Variants in TMTC2 observed in about 807,000 individuals in gnomAD.
TMTC2 encodes transmembrane O-mannosyltransferase targeting cadherins 2.
TMTC2 carries 43 observed loss-of-function variants against 82.4 expected under a neutral mutation model. The ratio of observed to expected loss-of-function variants is 0.52; its 90% CI spans 0.41 to 0.67. TMTC2 has a LOEUF of 0.67. Ranked by LOEUF, TMTC2 falls within the 30% of genes least tolerant of loss-of-function variation. TMTC2 has a pLI of 0.00. For missense variants in TMTC2, 919 were observed against 1,012.4 expected (o/e 0.91, Z 1.25); for synonymous variants, 408 against 381.9 (o/e 1.07, Z -0.80).
At chr12:82,703,739 G>A (rs1197276091) in intron 1 of TMTC2, among the ~76,000 whole-genome samples, 4 of 151,848 alleles carry the variant, frequency 2.6e-5, no homozygotes, top group African/African-American at 7.3e-5. Context: ...CGCCCTCCTC[G>A]GTCCCCCAAA....
intron 9 of TMTC2, among the ~76,000 whole-genome samples, chr12:83,044,999 C>T (rs531457504): frequency 8.5e-5 from 13 of 152,250 alleles, no homozygotes; most frequent in Non-Finnish European, 1.5e-4. Context: ...CAGGAATTAA[C>T]GAAAGATTGG....
At chr12:83,061,616 A>G (rs1882743662) in intron 10 of TMTC2, 152 bp from the exon 11 acceptor site, 12 of 551,846 alleles carry the variant, frequency 2.2e-5, no homozygotes, top group East Asian at 3.2e-5. Flanking sequence ...TGCAATGCAA[A>G]CACTCAATTT....
At chr12:82,939,161 T>C (rs984194681) in intron 4 of TMTC2, among the ~76,000 whole-genome samples, 5 of 152,176 alleles carry the variant, frequency 3.3e-5, no homozygotes, top group African/African-American at 1.2e-4. Context: ...CTTATGTTAA[T>C]TGGCTCTTTG....
chr12:82,947,959 G>A (rs964800796), intron 4 of TMTC2, among the ~76,000 whole-genome samples: 3 of 152,062 alleles, frequency 2.0e-5, no homozygotes, highest in African/African-American at 7.2e-5. Context: ...GACTGAAGCC[G>A]CTAAATGATG....
intron 8 of TMTC2, among the ~76,000 whole-genome samples, chr12:83,004,721 AATTTTTTTTTTT>A (rs1880077514): frequency 1.5e-5 from 1 of 65,072 alleles, no homozygotes; most frequent in African/African-American, 4.4e-5. Context: ...ATACTGGCCG[AATTTTTTTTTTT>A]TTTTTTTTTT....
At chr12:83,007,022 G>A (rs1380643540) in intron 8 of TMTC2, among the ~76,000 whole-genome samples, 2 of 151,876 alleles carry the variant, frequency 1.3e-5, no homozygotes, top group Admixed American at 6.6e-5. Flanking sequence ...AACCACCATG[G>A]CACATGTATG....
At chr12:83,093,309 C>T (rs573046004) in intron 11 of TMTC2, among the ~76,000 whole-genome samples, 1 of 152,080 alleles carries the variant, frequency 6.6e-6, no homozygotes, top group African/African-American at 2.4e-5. Flanking sequence ...ATGTTCTGCC[C>T]TTGTCTGAAC....
At chr12:82,949,444 G>A (rs1434386619) in intron 4 of TMTC2, among the ~76,000 whole-genome samples, 1 of 152,146 alleles carries the variant, frequency 6.6e-6, no homozygotes, top group Non-Finnish European at 1.5e-5. Flanking sequence ...GTTTTCATGG[G>A]AAGGGTAATG....
chr12:82,727,063 C>T (rs1874492448), intron 1 of TMTC2, among the ~76,000 whole-genome samples: 1 of 150,808 alleles, frequency 6.6e-6, no homozygotes. Context: ...TTCTTTGTTC[C>T]CCTTCTAATT....
chr12:82,949,912 A>C (rs1227976752), intron 4 of TMTC2, among the ~76,000 whole-genome samples: 2 of 152,172 alleles, frequency 1.3e-5, no homozygotes, highest in African/African-American at 4.8e-5. Flanking sequence ...TCTTGGTAAA[A>C]TAGAGGTTGA....
chr12:82,951,681 G>A (rs1319669226), intron 4 of TMTC2, among the ~76,000 whole-genome samples: 1 of 152,070 alleles, frequency 6.6e-6, no homozygotes, highest in Non-Finnish European at 1.5e-5. Flanking sequence ...CATATGATAT[G>A]CAAAAATCAC....
chr12:82,894,195 G>T (rs1054346504), intron 2 of TMTC2, among the ~76,000 whole-genome samples: 1 of 152,168 alleles, frequency 6.6e-6, no homozygotes, highest in Admixed American at 6.5e-5. Context: ...ATGCCCAGTA[G>T]GCAACTGAAT....
rs1355852200 is a variant in TMTC2 at position 82,896,235 on chromosome 12, G to A, written c.1072G>A (p.Val358Met). Residue 358 changes from valine (V) to methionine (M), a missense_variant, in exon 3 of 12, where the codon GTG (valine) becomes ATG (methionine). Transcript: ENST00000321196. Reference protein sequence around the residue: ...NANGHSCLSDVEYQNSETKSS... With the variant: ...NANGHSCLSDMEYQNSETKSS... ...AAATGGACATAGCTGCCTTTCAGAT[G>A]TGGAGTACCAGAACTCAGAGACTAA... is the stretch of plus-strand genomic sequence containing the variant. The A allele has an allele frequency of 5.6e-6, 9 of 1,614,098 alleles. No individual in the cohort carries two copies. In the South Asian group the frequency reaches 9.9e-5, roughly 18 times the overall value.
At chr12:82,705,544 G>A (rs906875032) in intron 1 of TMTC2, among the ~76,000 whole-genome samples, 1 of 152,232 alleles carries the variant, frequency 6.6e-6, no homozygotes, top group Non-Finnish European at 1.5e-5. Context: ...TCTGCATATT[G>A]TAGTGTAAAA....
At chr12:82,827,893 CT>C (rs796933469) in intron 1 of TMTC2, among the ~76,000 whole-genome samples, 63 of 143,630 alleles carry the variant, frequency 4.4e-4, no homozygotes, top group East Asian at 1.4e-3. Context: ...TTTTCGTTTT[CT>C]TTTTTTTTTT....
At chr12:82,949,618 A>G (rs909162056) in intron 4 of TMTC2, among the ~76,000 whole-genome samples, 1 of 152,194 alleles carries the variant, frequency 6.6e-6, no homozygotes, top group Non-Finnish European at 1.5e-5. Context: ...ACCTTAGGCA[A>G]ATTATTTAAT....
chr12:82,784,125 A>G (rs998587858), intron 1 of TMTC2, among the ~76,000 whole-genome samples: 1 of 152,126 alleles, frequency 6.6e-6, no homozygotes, highest in African/African-American at 2.4e-5. Flanking sequence ...TGTATACTAC[A>G]TATATATTTA....
At chr12:82,697,146 C>T (rs1340131953) in intron 1 of TMTC2, among the ~76,000 whole-genome samples, 1 of 151,362 alleles carries the variant, frequency 6.6e-6, no homozygotes, top group East Asian at 2.0e-4. Context: ...GAGATTGAGA[C>T]CATCCTGGTC....
At chr12:82,688,112 C>A (rs1400176531) in intron 1 of TMTC2, among the ~76,000 whole-genome samples, 1 of 152,170 alleles carries the variant, frequency 6.6e-6, no homozygotes, top group Non-Finnish European at 1.5e-5. Context: ...ACTTTTATTT[C>A]CCGAAGTTAA....
Sources: allele counts gnomAD v4.1 joint callset (sites outside exome capture counted in the v4.1 genomes callset), GRCh38; gene constraint gnomAD v4.1.1; transcripts MANE v1.5; gene names NCBI Gene and HGNC (gene_info 2026-07-23, HGNC 2026-07-21).